The following ARID4B variants were observed in gnomAD, a reference collection of about 807,000 sequenced individuals.
ARID4B encodes the protein AT-rich interactive domain-containing protein 4B.
ARID4B carries 26 observed loss-of-function variants against 147.5 expected under a neutral mutation model. The ratio of observed to expected loss-of-function variants is 0.18; its 90% CI spans 0.13 to 0.24. The LOEUF (loss-of-function observed/expected upper bound fraction) is 0.24, where lower values mean the gene tolerates loss of function less well. Among genes scored for constraint, ARID4B ranks in the 10% least tolerant of loss-of-function variants. The pLI is 1.00. For missense variants in ARID4B, 1,179 were observed against 1,511.5 expected (o/e 0.78, Z 3.65); for synonymous variants, 512 against 507.9 (o/e 1.01, Z -0.11).
chr1:235,242,941 C>T (rs1053931961), intron 7 of ARID4B, among the ~76,000 whole-genome samples: 3 of 152,116 alleles, frequency 2.0e-5, no homozygotes, highest in African/African-American at 7.2e-5. Flanking sequence ...TTCATTTCCA[C>T]AGCATTCACT....
In ARID4B at chr1:235,167,221, A is replaced by G; in HGVS notation, c.*1304T>C. 4.7e-6 allele frequency: 1 copy of G among 211,966 alleles called. No individual in the cohort carries two copies. The highest frequency in any genetic ancestry group is 9.6e-6 in the Non-Finnish European group (1 of 104,300). The allele number at this position is 211,966 out of a possible 1,614,324, so 13.1% of individuals were successfully genotyped here. A position where few individuals can be genotyped will look rare whatever the true frequency, so the allele number is the denominator to read the frequency against. On this transcript the variant is annotated 3_prime_UTR_variant, in exon 24 of 24. Coordinates refer to ENST00000264183, the MANE Select transcript of ARID4B (RefSeq NM_016374.6). ...ATTGAAATTCCCACGTCGTATTGCC[A>G]GGAAACAAAGAAAACATGCCAGCCC...
At chr1:235,279,779 G>T (rs1298951232) in intron 2 of ARID4B, among the ~76,000 whole-genome samples, 3 of 152,132 alleles carry the variant, frequency 2.0e-5, no homozygotes, top group African/African-American at 7.2e-5. Flanking sequence ...TCTAGAATTT[G>T]ATATATGCCA....
chr1:235,300,915 C>A (rs79111355), intron 2 of ARID4B, among the ~76,000 whole-genome samples: 6,066 of 151,948 alleles, frequency 0.04, 451 homozygotes, highest in African/African-American at 0.14. Context: ...CGGGGTTTCA[C>A]TATATTGGCC....
rs145854651 is a variant in ARID4B, at chr1:235,286,060, G to GTTTTGTTTT, written c.7-25309_7-25308insAAAACAAAA. Among the ~76,000 whole-genome samples the GTTTTGTTTT allele has an allele frequency of 4.8e-3, 731 of 151,478 alleles. 7 individuals are homozygous for GTTTTGTTTT. The highest frequency in any genetic ancestry group is 0.017 in the African/African-American group (694 of 41,102). Reference sequence around the variant, plus strand: ...TGGCTTTTGGGTTTTGTTTTGTTTTGTTTTGAGATAGGGTCTCCCTCTGTT... The same window carrying GTTTTGTTTT: ...TGGCTTTTGGGTTTTGTTTTGTTTTGTTTTGTTTTTTTTGAGATAGGGTCTCCCTCTGTT... On this transcript the variant is annotated intron_variant, in intron 2 of 23. Transcript: ENST00000264183.
intron 8 of ARID4B, among the ~76,000 whole-genome samples, chr1:235,238,143 C>CAAAAAAAAAAAAAA (rs533707841): frequency 1.2e-5 from 1 of 80,920 alleles, no homozygotes. Context: ...AACTCCATCT[C>CAAAAAAAAAAAAAA]AAAAAAAAAA....
At chr1:235,316,518 A>G (rs919075374) in intron 2 of ARID4B, among the ~76,000 whole-genome samples, 1 of 150,446 alleles carries the variant, frequency 6.6e-6, no homozygotes, top group Non-Finnish European at 1.5e-5. Context: ...CAAAAAAATA[A>G]TAATATATTT....
At chr1:235,223,719 C>T (rs573020482) in intron 12 of ARID4B, among the ~76,000 whole-genome samples, 2 of 116,992 alleles carry the variant, frequency 1.7e-5, no homozygotes, top group South Asian at 3.2e-4. Flanking sequence ...CACAAGAAAA[C>T]GCAAGGCAAG....
At chr1:235,312,343 TAC>T (rs535549445) in intron 2 of ARID4B, among the ~76,000 whole-genome samples, 147 of 152,216 alleles carry the variant, frequency 9.7e-4, no homozygotes, top group Non-Finnish European at 1.8e-3. Flanking sequence ...CCCATTTCAA[TAC>T]AGTCAAACAT....
intron 2 of ARID4B, among the ~76,000 whole-genome samples, chr1:235,320,706 C>T (rs959493160): frequency 1.3e-5 from 2 of 152,166 alleles, no homozygotes; most frequent in Admixed American, 6.5e-5. Flanking sequence ...ACCTCCTCTC[C>T]TACCACTCCA....
chr1:235,238,575 G>T (rs1668773512), intron 8 of ARID4B, among the ~76,000 whole-genome samples: 1 of 152,192 alleles, frequency 6.6e-6, no homozygotes, highest in Non-Finnish European at 1.5e-5. Context: ...AAAGATGTGG[G>T]CTGGGCTCAG....
rs1179245667 is a variant in ARID4B, at chr1:235,231,152, T to C, written c.703A>G (p.Ser235Gly). The C allele has an allele frequency of 6.3e-7, 1 of 1,592,256 alleles. No homozygotes were observed. The highest frequency in any genetic ancestry group is 2.3e-5 in the East Asian group (1 of 44,230). ...VPRKDVHEIT[S>G]DTAPKPDAVL... ...GCATCAGGCTTTGGTGCAGTGTCAC[T>C]AGTAATTTCATGGACATCTTTTCTT... Residue 235 changes from serine to glycine, a missense_variant, in exon 10 of 24, where the codon AGT becomes GGT. Coordinates refer to ENST00000264183, the MANE Select transcript of ARID4B (RefSeq NM_016374.6).
chr1:235,272,662 A>C (rs1671065013), intron 2 of ARID4B, among the ~76,000 whole-genome samples: 1 of 151,970 alleles, frequency 6.6e-6, no homozygotes, highest in African/African-American at 2.4e-5. Flanking sequence ...AGTGTAGTTT[A>C]TCATACTAAT....
intron 23 of ARID4B, among the ~76,000 whole-genome samples, chr1:235,170,448 A>G (rs999782280): frequency 1.4e-4 from 22 of 152,102 alleles, no homozygotes; most frequent in African/African-American, 4.8e-4. Flanking sequence ...CTTTAAAAAC[A>G]TAAGTGGAGG....
intron 2 of ARID4B, among the ~76,000 whole-genome samples, chr1:235,305,409 A>G (rs1673474185): frequency 6.6e-6 from 1 of 152,228 alleles, no homozygotes; most frequent in African/African-American, 2.4e-5. Flanking sequence ...CAACTCACAC[A>G]GTATTTGGCA....
chr1:235,275,564 C>T (rs1168355404), intron 2 of ARID4B, among the ~76,000 whole-genome samples: 1 of 152,164 alleles, frequency 6.6e-6, no homozygotes, highest in Admixed American at 6.5e-5. Context: ...ACTGGAGTTC[C>T]CCTCTTTGGG....
At chr1:235,263,405 T>C (rs1670409507) in intron 2 of ARID4B, among the ~76,000 whole-genome samples, 1 of 152,200 alleles carries the variant, frequency 6.6e-6, no homozygotes, top group Non-Finnish European at 1.5e-5. Context: ...ATTCTTTTCA[T>C]TAACATTCAC....
chr1:235,240,652 A>C (rs140682019), intron 7 of ARID4B, among the ~76,000 whole-genome samples: 191 of 152,268 alleles, frequency 1.3e-3, no homozygotes, highest in Non-Finnish European at 2.3e-3. Flanking sequence ...CATTTTCCCA[A>C]AAATATTTCT....
intron 3 of ARID4B, among the ~76,000 whole-genome samples, chr1:235,259,451 C>G (rs948173397): frequency 2.0e-5 from 3 of 152,366 alleles, no homozygotes; most frequent in East Asian, 3.9e-4. Flanking sequence ...GGGCTTTTGT[C>G]TACTTCACAC....
intron 16 of ARID4B, among the ~76,000 whole-genome samples, chr1:235,214,652 AATATCTT>A (rs1011049713): frequency 7.2e-5 from 11 of 152,212 alleles, no homozygotes; most frequent in Non-Finnish European, 1.6e-4. Flanking sequence ...ATGTACTACC[AATATCTT>A]ATCATGTTTG....
Sources: allele counts gnomAD v4.1 joint callset (sites outside exome capture counted in the v4.1 genomes callset), GRCh38; gene constraint gnomAD v4.1.1; transcripts MANE v1.5; gene names NCBI Gene and HGNC (gene_info 2026-07-23, HGNC 2026-07-21).